DENND10: variants seen among roughly 807,000 people sequenced by gnomAD.
DENND10 encodes the protein DENN domain-containing protein 10.
Under a neutral mutation model 43.6 loss-of-function variants are expected in DENND10, and 24 were observed. That is an observed-to-expected ratio of 0.55 (90% CI 0.40 to 0.77). The LOEUF is 0.77. DENND10 is among the 30% of genes least tolerant of loss of function. The pLI, the probability that DENND10 is intolerant of heterozygous loss-of-function variation, is 0.00. For synonymous variants in DENND10, 125 were observed against 157.6 expected (o/e 0.79, Z 1.55); for missense variants, 303 against 429.9 (o/e 0.70, Z 2.61).
At chr10:119,110,598 A>G (rs954276921) in intron 2 of DENND10, among the ~76,000 whole-genome samples, 1 of 152,094 alleles carries the variant, frequency 6.6e-6, no homozygotes, top group Non-Finnish European at 1.5e-5. Flanking sequence ...CTGGGATTAT[A>G]GGCACCTGCC....
At chr10:119,117,733 C>T in intron 4 of DENND10, 66 bp downstream of exon 4, 2 of 1,521,154 alleles carry the variant, frequency 1.3e-6, no homozygotes, top group South Asian at 1.2e-5. Context: ...TTTGGGAGGC[C>T]AAGGCGGGTG....
At position 119,117,613 on chromosome 10, in the gene DENND10, T is replaced by C. The variant is rs1210973050; in HGVS notation, c.427T>C (p.Phe143Leu). ...GICQSEENGS[F>L]LSKDFDARKA... ...ATGCCAGAGTGAAGAAAACGGCTCT[T>C]TCCTTAGTAAGGATTTTGATGCCCG... Residue 143 changes from phenylalanine to leucine, a missense_variant, in exon 4 of 9, where the codon TTC becomes CTC. Phe to Leu is a conservative substitution (Grantham distance 22). Coordinates refer to ENST00000361432, the MANE Select transcript of DENND10 (RefSeq NM_207009.4). 6.2e-7 allele frequency: 1 copy of C among 1,614,154 alleles called. No individual in the cohort carries two copies. Among genetic ancestry groups the C allele is most frequent in the Non-Finnish European group, 8.5e-7 (1 of 1,180,000 alleles).
In DENND10 at chr10:119,111,909, T is replaced by C. The variant is rs1844995644; in HGVS notation, c.313T>C (p.Phe105Leu). ...KDFNPEKYAA[F>L]TRILCRMYLK... ...TTTTAACCCAGAGAAGTATGCTGCC[T>C]TCACTAGGATATTGTGTAGGTCTGT... Residue 105 changes from phenylalanine (F) to leucine (L), a missense_variant, in exon 3 of 9, where the codon TTC becomes CTC. Physicochemically the swap from Phe to Leu is conservative, Grantham distance 22 (BLOSUM62 0). Coordinates refer to ENST00000361432, the MANE Select transcript of DENND10 (RefSeq NM_207009.4). The C allele has an allele frequency of 6.2e-7, 1 of 1,611,392 alleles. No homozygotes were observed. The highest frequency in any genetic ancestry group is 1.3e-5 in the African/African-American group (1 of 74,978).
intron 1 of DENND10, chr10:119,105,417 G>A: frequency 4.7e-6 from 2 of 429,012 alleles, no homozygotes; most frequent in South Asian, 3.2e-5. Context: ...CCTCCGAGTA[G>A]CTGGGACCTC....
At chr10:119,130,864 G>T (rs2133529152) in intron 7 of DENND10, among the ~76,000 whole-genome samples, 1 of 152,312 alleles carries the variant, frequency 6.6e-6, no homozygotes, top group Middle Eastern at 3.4e-3. Flanking sequence ...AGAAAAGGAA[G>T]TCACAGTGCG....
In DENND10 at chr10:119,132,683, A is replaced by C; in HGVS notation, c.897+74A>C. The C allele has an allele frequency of 8.0e-7, 1 of 1,242,720 alleles. No individual in the cohort carries two copies. The highest frequency in any genetic ancestry group is 1.2e-6 in the Non-Finnish European group (1 of 841,876). The allele number at this position is 1,242,720 out of a possible 1,614,324, so 77.0% of individuals were successfully genotyped here. ...TGGGTGGTGTGCGGCAGAGCTGTGCACATAAGCAGAGTGGGGGGCTGTGGT... is the reference window on the plus strand; with the variant it reads ...TGGGTGGTGTGCGGCAGAGCTGTGCCCATAAGCAGAGTGGGGGGCTGTGGT... On this transcript the variant is annotated intron_variant, in intron 8 of 8. Coordinates refer to ENST00000361432, the MANE Select transcript of DENND10 (RefSeq NM_207009.4). The surrounding 1 kb of genome is among the most constrained non-coding windows in gnomAD (Gnocchi z 4.2).
chr10:119,113,579 A>AT (rs1392512938), intron 3 of DENND10, among the ~76,000 whole-genome samples: 1 of 150,714 alleles, frequency 6.6e-6, no homozygotes, highest in Non-Finnish European at 1.5e-5. Context: ...TAATACAGAG[A>AT]TTTTTGGGGG....
intron 5 of DENND10, among the ~76,000 whole-genome samples, chr10:119,121,606 C>T (rs1429996058): frequency 3.3e-5 from 5 of 151,680 alleles, no homozygotes; most frequent in East Asian, 1.9e-4. Flanking sequence ...AGGTGCGCAC[C>T]ACCACGCCCA....
At chr10:119,119,591 A>C (rs1255810592) in intron 4 of DENND10, among the ~76,000 whole-genome samples, 2 of 148,890 alleles carry the variant, frequency 1.3e-5, no homozygotes, top group Admixed American at 1.3e-4. Context: ...TAATTTTTAA[A>C]CATTTTTTAG....
Position 119,117,501 on chromosome 10 carries a change from T to G in DENND10, c.333-18T>G. ...GTGCCAAATGAAATCACAGTTGCTT[T>G]GTTGTCCTTTCTTACAGAATGTACC... On this transcript the variant is annotated intron_variant, in intron 3 of 8. Coordinates refer to ENST00000361432, the MANE Select transcript of DENND10 (RefSeq NM_207009.4). 6.2e-7 allele frequency: 1 copy of G among 1,609,488 alleles called. No homozygotes were observed. Among genetic ancestry groups the G allele is most frequent in the Non-Finnish European group, 8.5e-7 (1 of 1,176,834 alleles).
At chr10:119,129,720 C>G in intron 7 of DENND10, 98 bp downstream of exon 7, 1 of 783,496 alleles carries the variant, frequency 1.3e-6, no homozygotes, top group Non-Finnish European at 2.2e-6. Flanking sequence ...GCTGGCTTAC[C>G]AACTCTGCTG....
chr10:119,136,460 T>C lies in DENND10; in HGVS notation c.898-11T>C. On this transcript the variant is annotated splice_polypyrimidine_tract_variant and intron_variant, in intron 8 of 8. Transcript: ENST00000361432. ...CTAACATGTTGCATATATTTTCCTG[T>C]TCTATTAAAGGATATTGCTCTAAAA... 20 of 1,596,562 alleles carry C rather than the reference T, an allele frequency of 1.3e-5. No homozygotes were observed. The highest frequency in any genetic ancestry group is 1.6e-5 in the Non-Finnish European group (19 of 1,175,384).
At chr10:119,121,872 A>G (rs538024075) in intron 5 of DENND10, among the ~76,000 whole-genome samples, 4 of 152,318 alleles carry the variant, frequency 2.6e-5, no homozygotes, top group Non-Finnish European at 5.9e-5. Flanking sequence ...GCAAGGAAGT[A>G]TTTTTACCCT....
chr10:119,115,411 G>A (rs112411092), intron 3 of DENND10, among the ~76,000 whole-genome samples: 2 of 33,360 alleles, frequency 6.0e-5, no homozygotes, highest in Non-Finnish European at 1.6e-4. Context: ...TTTTTGAGAC[G>A]GAGTCTCGCT....
At chr10:119,112,861 T>G (rs1287252794) in intron 3 of DENND10, among the ~76,000 whole-genome samples, 1 of 151,840 alleles carries the variant, frequency 6.6e-6, no homozygotes, top group Non-Finnish European at 1.5e-5. Flanking sequence ...ATTATGTTTT[T>G]TTTTTTGAGA....
In DENND10 at chr10:119,132,389, G is replaced by T; in HGVS notation, c.803-126G>T. The T allele has an allele frequency of 1.4e-6, 1 of 728,544 alleles. No homozygotes were observed. The highest frequency in any genetic ancestry group is 1.6e-5 in the South Asian group (1 of 62,996). The allele number at this position is 728,544 out of a possible 1,614,324, so 45.1% of individuals were successfully genotyped here. A position where few individuals can be genotyped will look rare whatever the true frequency, so the allele number is the denominator to read the frequency against. ...TCATATTTGTGTCTAGTGATAAAAT[G>T]GACATGTGGGAGGTTATCAGCTGCT... On this transcript the variant is annotated intron_variant, in intron 7 of 8. Coordinates refer to ENST00000361432, the MANE Select transcript of DENND10 (RefSeq NM_207009.4). The surrounding 1 kb of genome is among the most constrained non-coding windows in gnomAD (Gnocchi z 4.2).
chr10:119,116,181 T>C (rs1196289816), intron 3 of DENND10, among the ~76,000 whole-genome samples: 1 of 152,170 alleles, frequency 6.6e-6, no homozygotes, highest in Non-Finnish European at 1.5e-5. Flanking sequence ...TTTTAGTTGC[T>C]CACAGGAAGA....
rs529693426 is a variant in DENND10, at chr10:119,118,834, C to G, written c.481+1167C>G. On this transcript the variant is annotated intron_variant, in intron 4 of 8. Coordinates refer to ENST00000361432, the MANE Select transcript of DENND10 (RefSeq NM_207009.4). The stretch of plus-strand genomic sequence containing the variant: ...TACAGGTGCACACCACCATGCCCAG[C>G]TAATTTTTTTTTTTTTTTTTTTTTT... 6.5e-3 allele frequency among the ~76,000 whole-genome samples: 816 copies of G among 125,590 alleles called. 10 individuals are homozygous for G. The highest frequency in any genetic ancestry group is 0.021 in the African/African-American group (732 of 34,864). The allele number at this position is 125,590 out of a possible 152,430, so 82.4% of individuals were successfully genotyped here. A position where few individuals can be genotyped will look rare whatever the true frequency, so the allele number is the denominator to read the frequency against.
chr10:119,120,857 T>G (rs559656137), intron 5 of DENND10, among the ~76,000 whole-genome samples: 77 of 152,376 alleles, frequency 5.1e-4, no homozygotes, highest in African/African-American at 1.8e-3. Flanking sequence ...CTGACCCGTT[T>G]CAGGTAAATT....
Sources: allele counts gnomAD v4.1 joint callset (sites outside exome capture counted in the v4.1 genomes callset), GRCh38; gene constraint gnomAD v4.1.1; non-coding constraint Gnocchi (gnomAD v3.1); transcripts MANE v1.5; gene names NCBI Gene and HGNC (gene_info 2026-07-23, HGNC 2026-07-21).